KMT2C: variants seen among roughly 807,000 people sequenced by gnomAD.
The protein encoded by KMT2C is lysine methyltransferase 2C.
A neutral mutation model predicts 507.9 loss-of-function variants in KMT2C; 88 were observed. That is an observed-to-expected ratio of 0.17 (90% CI 0.15 to 0.21). The LOEUF is 0.21. Among genes scored for constraint, KMT2C ranks in the 10% least tolerant of loss-of-function variants. The pLI is 1.00. For missense variants in KMT2C, 4,954 were observed against 5,957.8 expected (o/e 0.83, Z 5.55); for synonymous variants, 2,049 against 2,080.8 (o/e 0.98, Z 0.42).
intron 1 of KMT2C, among the ~76,000 whole-genome samples, chr7:152,426,752 T>C (rs1398997896): frequency 6.6e-6 from 1 of 152,152 alleles, no homozygotes; most frequent in Non-Finnish European, 1.5e-5. Flanking sequence ...AATCCTAAAT[T>C]AGGTGTATTA....
intron 1 of KMT2C, among the ~76,000 whole-genome samples, chr7:152,359,256 C>A (rs1379578692): frequency 7.5e-6 from 1 of 133,388 alleles, no homozygotes. Flanking sequence ...GTAAGAGTCA[C>A]AGCAAGGTGA....
At chr7:152,295,734 C>G (rs1403077276) in intron 6 of KMT2C, among the ~76,000 whole-genome samples, 1 of 152,170 alleles carries the variant, frequency 6.6e-6, no homozygotes, top group African/African-American at 2.4e-5. Flanking sequence ...GGAAAGCCAT[C>G]ATGGCTGTCT....
intron 3 of KMT2C, among the ~76,000 whole-genome samples, chr7:152,327,959 A>G (rs897212711): frequency 1.4e-5 from 2 of 142,020 alleles, no homozygotes; most frequent in African/African-American, 5.6e-5. Flanking sequence ...CTCCGCCTCA[A>G]AAAAAAAAAA....
Position 152,177,272 on chromosome 7 carries a change from G to A in KMT2C, c.8181C>T (p.Gly2727=), listed in dbSNP as rs1322390862. 14 of 1,613,716 alleles carry A rather than the reference G, an allele frequency of 8.7e-6. No individual in the cohort carries two copies. Among genetic ancestry groups the A allele is most frequent in the Non-Finnish European group, 1.2e-5 (14 of 1,180,006 alleles). ...CTAAAGTATCCAATTCAACTACCTTGCCATCCTCTGTATCTAAATTTAAGT... is the reference window on the plus strand; with the variant it reads ...CTAAAGTATCCAATTCAACTACCTTACCATCCTCTGTATCTAAATTTAAGT... ...LENLNLDTED[G]KVVELDTLDN... The change falls in exon 38 of 59, where the codon GGC becomes GGT. Residue 2727 remains glycine (G), a synonymous_variant. Transcript: ENST00000262189.
chr7:152,199,135 C>T (rs1002373145), intron 27 of KMT2C, 144 bp downstream of exon 27: 2 of 624,910 alleles, frequency 3.2e-6, no homozygotes, highest in African/African-American at 3.9e-5. Context: ...AATAGTTCCA[C>T]TTACTGAATG....
chr7:152,424,579 C>T (rs2097799215), intron 1 of KMT2C, among the ~76,000 whole-genome samples: 1 of 152,164 alleles, frequency 6.6e-6, no homozygotes, highest in South Asian at 2.1e-4. Context: ...CATGCCACCA[C>T]ACTCAGCTAA....
intron 6 of KMT2C, among the ~76,000 whole-genome samples, chr7:152,288,856 A>C (rs1184686286): frequency 6.6e-6 from 1 of 152,274 alleles, no homozygotes; most frequent in African/African-American, 2.4e-5. Context: ...ACCTGAAACC[A>C]TGGAGGCCAG....
chr7:152,202,375 C>T (rs2094171006), intron 26 of KMT2C, among the ~76,000 whole-genome samples: 1 of 152,066 alleles, frequency 6.6e-6, no homozygotes, highest in Admixed American at 6.6e-5. Flanking sequence ...ACAAGATGAA[C>T]TAGAAAAAAA....
In KMT2C at chr7:152,146,591, A is replaced by G; in HGVS notation, c.14031+8T>C. The G allele has an allele frequency of 6.2e-7, 1 of 1,614,040 alleles. No homozygotes were observed. Among genetic ancestry groups the G allele is most frequent in the Non-Finnish European group, 8.5e-7 (1 of 1,179,922 alleles). On this transcript the variant is annotated splice_region_variant and intron_variant, in intron 53 of 58. Coordinates refer to ENST00000262189, the MANE Select transcript of KMT2C (RefSeq NM_170606.3). The stretch of plus-strand genomic sequence containing the variant: ...ATTCCAATCTCAAAGCCTGACCAAG[A>G]CACTCACTGATTCCGCTATGCGTGC...
chr7:152,150,377 G>C (rs2091507131), intron 51 of KMT2C, among the ~76,000 whole-genome samples: 1 of 152,150 alleles, frequency 6.6e-6, no homozygotes. Flanking sequence ...CCAGCACTTT[G>C]AGAGGCTGAG....
intron 15 of KMT2C, among the ~76,000 whole-genome samples, chr7:152,237,932 A>G (rs571552358): frequency 6.6e-6 from 1 of 152,410 alleles, no homozygotes; most frequent in South Asian, 2.1e-4. Context: ...AAAGTAAGTG[A>G]AAATTGGTGG....
At chr7:152,175,263 T>C (rs1238203424) in intron 38 of KMT2C, among the ~76,000 whole-genome samples, 2 of 152,022 alleles carry the variant, frequency 1.3e-5, no homozygotes, top group East Asian at 1.9e-4. Flanking sequence ...CTCCTGCCTC[T>C]GTCTCCCGAA....
chr7:152,306,519 G>A (rs1300679938), intron 6 of KMT2C, among the ~76,000 whole-genome samples: 3 of 152,082 alleles, frequency 2.0e-5, no homozygotes. Flanking sequence ...CTTCTCCTCT[G>A]TGTGGGCATT....
intron 2 of KMT2C, among the ~76,000 whole-genome samples, chr7:152,344,510 C>T (rs193175069): frequency 2.0e-5 from 3 of 152,094 alleles, no homozygotes; most frequent in African/African-American, 7.2e-5. Flanking sequence ...CTGGAGGTAA[C>T]CAAAACTGTG....
intron 1 of KMT2C, among the ~76,000 whole-genome samples, chr7:152,411,955 G>C (rs1233984424): frequency 1.3e-5 from 2 of 151,990 alleles, no homozygotes; most frequent in Non-Finnish European, 2.9e-5. Flanking sequence ...TTCATTCTTT[G>C]GTCAATTTTG....
intron 6 of KMT2C, among the ~76,000 whole-genome samples, chr7:152,278,015 T>C (rs2096118568): frequency 6.6e-6 from 1 of 152,188 alleles, no homozygotes; most frequent in South Asian, 2.1e-4. Flanking sequence ...ATAAATGAAA[T>C]ACTTTGGATA....
In KMT2C at chr7:152,138,828, T is replaced by C; in HGVS notation, c.14611A>G (p.Ser4871Gly). The C allele has an allele frequency of 1.2e-6, 2 of 1,610,792 alleles. No homozygotes were observed. The highest frequency in any genetic ancestry group is 1.7e-6 in the Non-Finnish European group (2 of 1,178,826). The change falls in exon 58 of 59, where the codon AGC becomes GGC. Residue 4871 changes from serine (S) to glycine (G), a missense_variant. By Grantham distance (56) the Ser-to-Gly change is moderately conservative (BLOSUM62 0). Around this residue, in one of 29 missense-constraint regions of KMT2C, gnomAD observed 133 missense variants for 258.9 expected, o/e 0.51. Transcript: ENST00000262189. The surrounding 1 kb of genome is among the most constrained non-coding windows in gnomAD (Gnocchi z 4.2). The part of the protein sequence containing the change: ...TFERGHKIII[S>G]SSRRIQKGEE... ...CCTTTCTGGATTCTCCGACTGGAGC[T>C]GATGATAATTTTGTGTCCTCTCTCA... is the stretch of plus-strand genomic sequence containing the variant.
At chr7:152,164,809 T>C (rs932370379) in intron 42 of KMT2C, among the ~76,000 whole-genome samples, 4 of 152,314 alleles carry the variant, frequency 2.6e-5, no homozygotes, top group African/African-American at 7.2e-5. Context: ...CCAAAAACCT[T>C]TGTGTCCCAA....
intron 44 of KMT2C, among the ~76,000 whole-genome samples, chr7:152,156,814 C>G (rs1358705848): frequency 6.6e-6 from 1 of 152,114 alleles, no homozygotes. Flanking sequence ...ATATGAGAAT[C>G]TGGATTGACT....
Sources: allele counts gnomAD v4.1 joint callset (sites outside exome capture counted in the v4.1 genomes callset), GRCh38; gene constraint gnomAD v4.1.1; regional missense constraint gnomAD v4.1.1; non-coding constraint Gnocchi (gnomAD v3.1); transcripts MANE v1.5; gene names NCBI Gene and HGNC (gene_info 2026-07-23, HGNC 2026-07-21).